The following GRK3 variants were observed in gnomAD, a reference collection of about 807,000 sequenced individuals.
GRK3 encodes the protein adrenergic, beta, receptor kinase 2.
A neutral mutation model predicts 95.7 loss-of-function variants in GRK3; 54 were observed. The ratio of observed to expected loss-of-function variants is 0.56; its 90% CI spans 0.45 to 0.71. GRK3 has a LOEUF of 0.71. GRK3 is among the 30% of genes least tolerant of loss of function. The pLI, the probability that GRK3 is intolerant of heterozygous loss-of-function variation, is 0.00. For synonymous variants in GRK3, 281 were observed against 290.8 expected, an observed-to-expected ratio of 0.97 and a Z score of 0.34; for missense variants, 649 against 851.2, an observed-to-expected ratio of 0.76 and a Z score of 2.96.
chr22:25,585,448 C>G (rs1932267560), intron 1 of GRK3, among the ~76,000 whole-genome samples: 4 of 152,150 alleles, frequency 2.6e-5, no homozygotes, highest in Admixed American at 2.6e-4. Context: ...TACCAATTAT[C>G]AATTCTAAAG....
chr22:25,610,511 C>G (rs927426431), intron 2 of GRK3, among the ~76,000 whole-genome samples: 2 of 152,132 alleles, frequency 1.3e-5, no homozygotes, highest in Non-Finnish European at 2.9e-5. Flanking sequence ...ACCATTCACC[C>G]ATTGTAAATG....
chr22:25,585,115 T>C (rs1932252211), intron 1 of GRK3, among the ~76,000 whole-genome samples: 1 of 152,286 alleles, frequency 6.6e-6, no homozygotes, highest in Admixed American at 6.5e-5. Flanking sequence ...CATCCTGGGC[T>C]TGTAGAACAG....
intron 2 of GRK3, among the ~76,000 whole-genome samples, chr22:25,622,731 C>A (rs1267452316): frequency 6.6e-6 from 1 of 152,034 alleles, no homozygotes; most frequent in Non-Finnish European, 1.5e-5. Context: ...ATCTGGAGAC[C>A]CCTGTCGCAT....
intron 9 of GRK3, among the ~76,000 whole-genome samples, chr22:25,682,720 G>C (rs1352822402): frequency 6.6e-6 from 1 of 152,126 alleles, no homozygotes; most frequent in African/African-American, 2.4e-5. Flanking sequence ...AGAGCTAATA[G>C]ATCTAGCATA....
rs777242382 is a variant in GRK3, at chr22:25,565,049, C to T, written c.9C>T (p.Asp3=). 6.0e-6 allele frequency: 9 copies of T among 1,500,558 alleles called. No individual in the cohort carries two copies. In the South Asian group the frequency reaches 8.6e-5, roughly 14 times the overall value. 93.0% of individuals were successfully genotyped at this position (1,500,558 alleles called of 1,614,324 possible). The stretch of plus-strand genomic sequence containing the variant: ...CGCCAAAGCTCGCCAACATGGCGGA[C>T]CTGGAGGCTGTGCTGGCCGATGTCA... The part of the protein sequence containing the change: MA[D]LEAVLADVSY... The change falls in exon 1 of 21, where the codon GAC becomes GAT. Residue 3 remains aspartate, a synonymous_variant. Coordinates refer to ENST00000324198, the MANE Select transcript of GRK3 (RefSeq NM_005160.4).
intron 1 of GRK3, among the ~76,000 whole-genome samples, chr22:25,602,721 A>G (rs1601465525): frequency 6.6e-6 from 1 of 152,330 alleles, no homozygotes; most frequent in Non-Finnish European, 1.5e-5. Flanking sequence ...CATAGTGTGT[A>G]ATTTTATTTT....
intron 3 of GRK3, among the ~76,000 whole-genome samples, chr22:25,661,150 T>C (rs973932498): frequency 6.6e-6 from 1 of 152,242 alleles, no homozygotes; most frequent in Non-Finnish European, 1.5e-5. Context: ...TTTTTCCTCC[T>C]TGTAGTTTTG....
In GRK3 at chr22:25,619,024, T is replaced by A. The variant is rs183231777; in HGVS notation, c.190+14571T>A. Among the ~76,000 whole-genome samples the A allele has an allele frequency of 3.3e-5, 5 of 152,348 alleles. No homozygotes were observed. In the East Asian group the frequency reaches 7.7e-4, roughly 23 times the overall value. ...AGAGATTAAGTCTGGTCCTTATTAT[T>A]GTATTATGCCCTTGAAGTATAATTT... is the stretch of plus-strand genomic sequence containing the variant. On this transcript the variant is annotated intron_variant, in intron 2 of 20. Coordinates refer to ENST00000324198, the MANE Select transcript of GRK3 (RefSeq NM_005160.4).
chr22:25,641,857 C>G (rs111983457), intron 2 of GRK3, among the ~76,000 whole-genome samples: 1 of 152,066 alleles, frequency 6.6e-6, no homozygotes, highest in Admixed American at 6.6e-5. Flanking sequence ...AATGGTGACT[C>G]CAGAGGACGT....
chr22:25,723,425 T>A lies in GRK3; in HGVS notation c.*975T>A, dbSNP rs889156150. The A allele has an allele frequency of 6.6e-6, 1 of 152,188 alleles. No homozygotes were observed. The highest frequency in any genetic ancestry group is 1.5e-5 in the Non-Finnish European group (1 of 68,040). The allele number at this position is 152,188 out of a possible 1,614,324, so 9.4% of individuals were successfully genotyped here. On this transcript the variant is annotated 3_prime_UTR_variant, in exon 21 of 21. Coordinates refer to ENST00000324198, the MANE Select transcript of GRK3 (RefSeq NM_005160.4). ...TTTCAGATGAATTGTATTGAAAAAA[T>A]GCTGAGGAATGAATGTGTCAAAATG... is the stretch of plus-strand genomic sequence containing the variant.
At chr22:25,571,465 A>G (rs1931697330) in intron 1 of GRK3, among the ~76,000 whole-genome samples, 1 of 152,208 alleles carries the variant, frequency 6.6e-6, no homozygotes, top group Non-Finnish European at 1.5e-5. Flanking sequence ...AAAATTACCC[A>G]TATTGAATTT....
chr22:25,641,274 C>G (rs1186558170), intron 2 of GRK3, among the ~76,000 whole-genome samples: 2 of 152,070 alleles, frequency 1.3e-5, no homozygotes, highest in African/African-American at 4.8e-5. Context: ...GTTGGGTGTT[C>G]ATTCATTCAA....
chr22:25,636,046 C>T (rs1251010127), intron 2 of GRK3, among the ~76,000 whole-genome samples: 1 of 152,128 alleles, frequency 6.6e-6, no homozygotes, highest in East Asian at 1.9e-4. Context: ...GTTTTGGCTA[C>T]TAGGAGTGCT....
intron 2 of GRK3, among the ~76,000 whole-genome samples, chr22:25,641,551 G>C (rs569661001): frequency 4.3e-4 from 65 of 152,292 alleles, no homozygotes; most frequent in African/African-American, 1.4e-3. Context: ...TTTGCTCATC[G>C]TAAGTGCTAC....
At chr22:25,626,549 A>T (rs2084629698) in intron 2 of GRK3, among the ~76,000 whole-genome samples, 1 of 152,212 alleles carries the variant, frequency 6.6e-6, no homozygotes, top group Non-Finnish European at 1.5e-5. Flanking sequence ...GTGAACTCTC[A>T]CTAGAGGTAT....
Position 25,669,386 on chromosome 22 carries a change from A to G in GRK3, c.503+1586A>G, listed in dbSNP as rs548675284. 3.7e-4 allele frequency among the ~76,000 whole-genome samples: 57 copies of G among 152,280 alleles called. No homozygotes were observed. In the South Asian group the frequency reaches 5.0e-3, roughly 13 times the overall value. ...GCTTTCCCTCTTCTAGTTGAGAGCTATGCGCCTCATTCAGGCAGTGAACTT... is the reference window on the plus strand; with the variant it reads ...GCTTTCCCTCTTCTAGTTGAGAGCTGTGCGCCTCATTCAGGCAGTGAACTT... On this transcript the variant is annotated intron_variant, in intron 6 of 20. Transcript: ENST00000324198.
At chr22:25,669,113 G>C (rs951300033) in intron 6 of GRK3, among the ~76,000 whole-genome samples, 2 of 152,072 alleles carry the variant, frequency 1.3e-5, no homozygotes, top group Admixed American at 6.6e-5. Context: ...GATAAGTTTG[G>C]AGCTTTGATT....
intron 1 of GRK3, among the ~76,000 whole-genome samples, chr22:25,575,698 T>C (rs997831442): frequency 6.6e-6 from 1 of 152,248 alleles, no homozygotes; most frequent in African/African-American, 2.4e-5. Context: ...TAACTCTTTT[T>C]AGTTTTTACA....
intron 1 of GRK3, among the ~76,000 whole-genome samples, chr22:25,600,123 C>T (rs2084398951): frequency 6.6e-6 from 1 of 150,792 alleles, no homozygotes; most frequent in Non-Finnish European, 1.5e-5. Context: ...CTGTGGGTTA[C>T]AGTCAGCTGT....
Sources: gnomAD v4.1 joint callset for allele counts (sites outside exome capture counted in the v4.1 genomes callset) on GRCh38, gnomAD v4.1.1 for gene constraint, MANE v1.5 for transcripts, NCBI Gene and HGNC (gene_info 2026-07-23, HGNC 2026-07-21) for gene names.